Variants in CMSS1 observed in about 807,000 individuals in gnomAD.
The protein encoded by CMSS1 is protein CMSS1.
In CMSS1, 33 loss-of-function variants were observed where a neutral mutation model predicts 43.5. The observed-to-expected ratio is 0.76, with a 90% CI of 0.57 to 1.01. CMSS1 has a LOEUF of 1.01. Among genes scored for constraint, CMSS1 ranks in the 50% least tolerant of loss-of-function variants. The pLI, the probability that CMSS1 is intolerant of heterozygous loss-of-function variation, is 0.00. For synonymous variants in CMSS1, 115 were observed against 117.2 expected, an observed-to-expected ratio of 0.98 and a Z score of 0.12; for missense variants, 313 against 326.4, an observed-to-expected ratio of 0.96 and a Z score of 0.32.
intron 1 of CMSS1, among the ~76,000 whole-genome samples, chr3:100,048,578 G>A (rs181392070): frequency 6.6e-6 from 1 of 152,326 alleles, no homozygotes; most frequent in East Asian, 1.9e-4. Context: ...GAGAAACTGA[G>A]CATGGTAATT....
intron 1 of CMSS1, among the ~76,000 whole-genome samples, chr3:100,101,025 A>G (rs2066295650): frequency 6.6e-6 from 1 of 152,184 alleles, no homozygotes; most frequent in Non-Finnish European, 1.5e-5. Flanking sequence ...GCATGCATGT[A>G]GGATAGCAGC....
At chr3:100,144,155 T>G (rs1240244680) in intron 1 of CMSS1, among the ~76,000 whole-genome samples, 1 of 151,994 alleles carries the variant, frequency 6.6e-6, no homozygotes, top group Non-Finnish European at 1.5e-5. Flanking sequence ...GGGGGAGGAG[T>G]AGGGGTTGGT....
intron 1 of CMSS1, among the ~76,000 whole-genome samples, chr3:99,886,921 G>A (rs899995874): frequency 1.4e-5 from 2 of 148,120 alleles, no homozygotes; most frequent in African/African-American, 5.0e-5. Flanking sequence ...AGTGAGCCAA[G>A]ATCATGCAAC....
intron 1 of CMSS1, among the ~76,000 whole-genome samples, chr3:100,065,637 T>C (rs973646965): frequency 6.6e-6 from 1 of 152,220 alleles, no homozygotes; most frequent in Admixed American, 6.5e-5. Context: ...ACCACTGCCA[T>C]AGTGCCCCAT....
At chr3:99,942,560 C>T (rs145604690) in intron 1 of CMSS1, among the ~76,000 whole-genome samples, 14 of 152,132 alleles carry the variant, frequency 9.2e-5, no homozygotes, top group African/African-American at 3.4e-4. Flanking sequence ...TGCCAGTCGC[C>T]GTGGCTCACG....
chr3:99,967,566 A>T (rs1332145962), intron 1 of CMSS1, among the ~76,000 whole-genome samples: 1 of 152,146 alleles, frequency 6.6e-6, no homozygotes, highest in African/African-American at 2.4e-5. Context: ...GTGAGTCCCT[A>T]CACCTGGATG....
At position 99,983,396 on chromosome 3, in the gene CMSS1, A is replaced by G. The variant is rs894873890; in HGVS notation, c.65-163577A>G. 4.1e-3 allele frequency among the ~76,000 whole-genome samples: 441 copies of G among 107,242 alleles called. 24 individuals carry two copies. In the South Asian group the frequency reaches 0.054, roughly 13 times the overall value. 70.4% of individuals were successfully genotyped at this position (107,242 alleles called of 152,430 possible). A position where few individuals can be genotyped will look rare whatever the true frequency, so the allele number is the denominator to read the frequency against. ...TTAAAAAATAAATAAATAAATATAT[A>G]TATATATATATATATATATATATGT... On this transcript the variant is annotated intron_variant, in intron 1 of 9. Coordinates refer to ENST00000421999, the MANE Select transcript of CMSS1 (RefSeq NM_032359.4).
intron 1 of CMSS1, among the ~76,000 whole-genome samples, chr3:99,976,005 C>A (rs991447703): frequency 6.6e-6 from 1 of 152,204 alleles, no homozygotes; most frequent in African/African-American, 2.4e-5. Flanking sequence ...CTGCCTCAGC[C>A]TCCCAAGTAG....
chr3:100,006,815 C>T (rs936012276), intron 1 of CMSS1, among the ~76,000 whole-genome samples: 4 of 152,186 alleles, frequency 2.6e-5, no homozygotes, highest in African/African-American at 9.7e-5. Context: ...AGTAAACAAG[C>T]ATTCTTGATG....
At chr3:99,962,612 A>T (rs1708526984) in intron 1 of CMSS1, among the ~76,000 whole-genome samples, 1 of 152,190 alleles carries the variant, frequency 6.6e-6, no homozygotes, top group African/African-American at 2.4e-5. Context: ...TATACACAGG[A>T]TTATAATTAA....
intron 1 of CMSS1, among the ~76,000 whole-genome samples, chr3:99,923,937 T>C (rs1707204684): frequency 6.6e-6 from 1 of 152,254 alleles, no homozygotes; most frequent in Non-Finnish European, 1.5e-5. Context: ...ATGGTTTTCA[T>C]TCTTGTTTGC....
chr3:100,134,591 GA>G (rs2066735075), intron 1 of CMSS1, among the ~76,000 whole-genome samples: 1 of 152,138 alleles, frequency 6.6e-6, no homozygotes. Context: ...GGGATATAGG[GA>G]AAACAAGTAT....
At chr3:99,876,520 T>C (rs1705533588) in intron 1 of CMSS1, among the ~76,000 whole-genome samples, 1 of 152,212 alleles carries the variant, frequency 6.6e-6, no homozygotes, top group African/African-American at 2.4e-5. Flanking sequence ...TCAATACACA[T>C]CCTGTTATTC....
At chr3:99,923,199 C>T (rs1431015128) in intron 1 of CMSS1, among the ~76,000 whole-genome samples, 1 of 151,996 alleles carries the variant, frequency 6.6e-6, no homozygotes, top group African/African-American at 2.4e-5. Context: ...CTCACCACAC[C>T]AACACCCACA....
chr3:100,114,337 A>T (rs2066537446), intron 1 of CMSS1: 1 of 152,220 alleles, frequency 6.6e-6, no homozygotes, highest in African/African-American at 2.4e-5. Context: ...TGCTCTGAAG[A>T]CAGGCAGCCT....
chr3:99,963,922 A>G (rs1708568405), intron 1 of CMSS1, among the ~76,000 whole-genome samples: 2 of 152,108 alleles, frequency 1.3e-5, no homozygotes, highest in South Asian at 4.1e-4. Flanking sequence ...AGCCACATCC[A>G]TTTGTTAATG....
intron 1 of CMSS1, among the ~76,000 whole-genome samples, chr3:100,055,370 G>A (rs1265020357): frequency 2.6e-5 from 4 of 152,068 alleles, no homozygotes; most frequent in Non-Finnish European, 4.4e-5. Context: ...GAAAATCAAG[G>A]TGACTGTATG....
rs1008265536 is a variant in CMSS1, at chr3:100,162,961, C to T, written c.355+529C>T. 2.0e-5 allele frequency among the ~76,000 whole-genome samples: 3 copies of T among 152,044 alleles called. 1 individual carries two copies. Among genetic ancestry groups the T allele is most frequent in the African/African-American group, 4.8e-5 (2 of 41,374 alleles). On this transcript the variant is annotated intron_variant, in intron 4 of 9. Transcript: ENST00000421999. ...TTGCACTCCAGCCTGGGGGACAGAG[C>T]GAGACTCCATCTCAAAGAAAAAAAA... is the stretch of plus-strand genomic sequence containing the variant.
chr3:100,166,433 T>C (rs753092621), intron 5 of CMSS1, 39 bp downstream of exon 5: 2 of 1,356,642 alleles, frequency 1.5e-6, no homozygotes, highest in Non-Finnish European at 2.1e-6. Context: ...AAACTCATTC[T>C]TATTTTGCTC....
Sources: gnomAD v4.1 joint callset for allele counts (sites outside exome capture counted in the v4.1 genomes callset) on GRCh38, gnomAD v4.1.1 for gene constraint, MANE v1.5 for transcripts, NCBI Gene and HGNC (gene_info 2026-07-23, HGNC 2026-07-21) for gene names.